PCDH11X: variants seen among roughly 807,000 people sequenced by gnomAD.
PCDH11X encodes the protein protocadherin-11 X-linked.
Under a neutral mutation model 53.3 loss-of-function variants are expected in PCDH11X, and 18 were observed. The observed-to-expected ratio is 0.34, with a 90% CI of 0.23 to 0.50. The LOEUF (loss-of-function observed/expected upper bound fraction) is 0.50, where lower values mean the gene tolerates loss of function less well. Ranked by LOEUF, PCDH11X falls within the 20% of genes least tolerant of loss-of-function variation. The pLI is 0.98. For synonymous variants in PCDH11X, 279 were observed against 393.3 expected, an observed-to-expected ratio of 0.71 and a Z score of 3.44; for missense variants, 570 against 1,032.4, an observed-to-expected ratio of 0.55 and a Z score of 6.14.
intron 5 of PCDH11X, among the ~76,000 whole-genome samples, chrX:91,843,142 T>G (rs1937550413): frequency 9.5e-6 from 1 of 105,416 alleles, no homozygotes; most frequent in Non-Finnish European, 2.0e-5. Context: ...GGATAAAAAA[T>G]GTGTTTGGAA....
chrX:92,076,075 G>T (rs1256718602), intron 6 of PCDH11X, among the ~76,000 whole-genome samples: 1 of 109,408 alleles, frequency 9.1e-6, no homozygotes, highest in African/African-American at 3.4e-5. Flanking sequence ...TGGAAGAGAT[G>T]CCTGAACTCT....
chrX:92,443,459 TCC>T, intron 9 of PCDH11X, among the ~76,000 whole-genome samples: 1 of 112,075 alleles, frequency 8.9e-6, no homozygotes, highest in South Asian at 3.7e-4. Context: ...AAATATTTTC[TCC>T]TATGCTGGAG....
chrX:92,564,023 A>G (rs1048584811), intron 10 of PCDH11X, among the ~76,000 whole-genome samples: 2 of 110,037 alleles, frequency 1.8e-5, no homozygotes, highest in African/African-American at 6.6e-5. Flanking sequence ...CCCATCTACA[A>G]TAGCCACAAG....
chrX:92,069,425 C>A (rs188254014), intron 6 of PCDH11X, among the ~76,000 whole-genome samples: 328 of 110,102 alleles, frequency 3.0e-3, no homozygotes, highest in African/African-American at 0.011. Context: ...TTAATCAGTT[C>A]AACCACTCTG....
At chrX:92,148,595 A>G (rs1393090028) in intron 6 of PCDH11X, among the ~76,000 whole-genome samples, 1 of 108,279 alleles carries the variant, frequency 9.2e-6, no homozygotes, top group East Asian at 3.0e-4. Context: ...CTTAGCACAG[A>G]TAGTGTAGCG....
intron 9 of PCDH11X, among the ~76,000 whole-genome samples, chrX:92,445,150 T>C (rs1208121754): frequency 9.6e-6 from 1 of 104,387 alleles, no homozygotes; most frequent in East Asian, 3.0e-4. Flanking sequence ...CTCTTCTTTG[T>C]ACTTCTGGTA....
chrX:91,812,970 C>A (rs7882192), intron 4 of PCDH11X, among the ~76,000 whole-genome samples: 1 of 111,242 alleles, frequency 9.0e-6, no homozygotes. Context: ...TTCTTTATTG[C>A]GGCATTATAT....
At chrX:92,177,375 T>G (rs781741547) in intron 6 of PCDH11X, among the ~76,000 whole-genome samples, 65 of 111,592 alleles carry the variant, frequency 5.8e-4, no homozygotes, top group Non-Finnish European at 9.0e-4. Flanking sequence ...AACCTAGCCA[T>G]TAGAGAGTGG....
chrX:92,534,196 G>T (rs770623867), intron 10 of PCDH11X, among the ~76,000 whole-genome samples: 3 of 110,688 alleles, frequency 2.7e-5, no homozygotes, highest in Non-Finnish European at 5.7e-5. Flanking sequence ...AAACAGTGTA[G>T]AGAAGACCTT....
At chrX:92,251,990 G>T (rs771192690) in intron 7 of PCDH11X, among the ~76,000 whole-genome samples, 2 of 111,048 alleles carry the variant, frequency 1.8e-5, no homozygotes, top group African/African-American at 6.5e-5. Flanking sequence ...AAATACCTAG[G>T]TGCATTCTGA....
At chrX:91,885,287 C>T (rs2147750826) in intron 6 of PCDH11X, among the ~76,000 whole-genome samples, 1 of 111,575 alleles carries the variant, frequency 9.0e-6, no homozygotes, top group South Asian at 3.7e-4. Context: ...GCAGTTACTC[C>T]CCTTTTATTC....
chrX:91,989,679 A>C (rs1208931114), intron 6 of PCDH11X, among the ~76,000 whole-genome samples: 3 of 110,725 alleles, frequency 2.7e-5, no homozygotes, highest in Non-Finnish European at 3.8e-5. Context: ...TTATGAAAAA[A>C]AATGGTTGTA....
At position 92,436,733 on chromosome X, in the gene PCDH11X, A is replaced by G. The variant is rs145582966; in HGVS notation, c.3344-31566A>G. On this transcript the variant is annotated intron_variant, in intron 9 of 10. Coordinates refer to ENST00000682573, the MANE Select transcript of PCDH11X (RefSeq NM_032968.5). Reference sequence around the variant, plus strand: ...ATGCAGGTACAGAAAACCAAATACAACATGTTCTCACGTATAAATGGGAAC... The same window carrying G: ...ATGCAGGTACAGAAAACCAAATACAGCATGTTCTCACGTATAAATGGGAAC... Among the ~76,000 whole-genome samples, 126 of 110,997 alleles carry G rather than the reference A, an allele frequency of 1.1e-3. 2 individuals are homozygous for G. The highest frequency in any genetic ancestry group is 5.7e-3 in the East Asian group (20 of 3,504).
intron 1 of PCDH11X, among the ~76,000 whole-genome samples, chrX:91,785,289 C>A (rs1399536879): frequency 9.7e-6 from 1 of 102,833 alleles, no homozygotes; most frequent in Non-Finnish European, 2.0e-5. Flanking sequence ...GAGAAGGGAC[C>A]CCCCTCAGCA....
intron 8 of PCDH11X, among the ~76,000 whole-genome samples, chrX:92,312,775 C>G (rs2068978393): frequency 9.0e-6 from 1 of 111,390 alleles, no homozygotes; most frequent in Non-Finnish European, 1.9e-5. Context: ...TTTCAACTTA[C>G]TATTTTATTT....
chrX:92,515,086 T>A (rs1349177481), intron 10 of PCDH11X, among the ~76,000 whole-genome samples: 3 of 103,571 alleles, frequency 2.9e-5, no homozygotes, highest in Non-Finnish European at 5.9e-5. Context: ...ATCACCCTTA[T>A]CCTTCAAAAC....
At chrX:92,344,057 T>A (rs897703803) in intron 8 of PCDH11X, among the ~76,000 whole-genome samples, 1 of 109,341 alleles carries the variant, frequency 9.1e-6, no homozygotes, top group African/African-American at 3.3e-5. Flanking sequence ...AGATGAATAA[T>A]TTGTGATTTA....
At chrX:91,808,278 T>C (rs1936182544) in intron 1 of PCDH11X, among the ~76,000 whole-genome samples, 2 of 106,861 alleles carry the variant, frequency 1.9e-5, no homozygotes, top group Admixed American at 2.0e-4. Flanking sequence ...GGGCAAATCA[T>C]GAGGTCAGGA....
chrX:91,946,845 T>G (rs1238560223), intron 6 of PCDH11X, among the ~76,000 whole-genome samples: 1 of 101,040 alleles, frequency 9.9e-6, no homozygotes, highest in Non-Finnish European at 2.0e-5. Flanking sequence ...TTGCAGGTGT[T>G]CAAATGAAAG....
Sources: allele counts gnomAD v4.1 joint callset (sites outside exome capture counted in the v4.1 genomes callset), GRCh38; gene constraint gnomAD v4.1.1; transcripts MANE v1.5; gene names NCBI Gene and HGNC (gene_info 2026-07-23, HGNC 2026-07-21).